Variants in POU2AF2 observed in about 807,000 individuals in gnomAD.
POU2AF2 encodes POU domain class 2-associating factor 2.
At chr11:111,276,433 T>TGAAAAG in the POU2AF2 span, among the ~76,000 whole-genome samples, 1 of 30,566 alleles carries the variant, frequency 3.3e-5, no homozygotes, top group Non-Finnish European at 5.6e-5. Context: ...CCATCTCTAC[T>TGAAAAG]AAAAAGAAAA....
the POU2AF2 span, chr11:111,285,568 C>A: frequency 1.4e-6 from 2 of 1,461,624 alleles, no homozygotes; most frequent in Non-Finnish European, 9.1e-7. Context: ...CGAAGGCTGC[C>A]CTGAAGCCAC....
the POU2AF2 span, among the ~76,000 whole-genome samples, chr11:111,277,346 T>C: frequency 1.3e-5 from 2 of 152,284 alleles, no homozygotes; most frequent in Non-Finnish European, 2.9e-5. Flanking sequence ...GGTATAAAAA[T>C]TGGGCTGGGG....
the POU2AF2 span, among the ~76,000 whole-genome samples, chr11:111,278,157 G>A: frequency 1.3e-5 from 2 of 152,108 alleles, no homozygotes; most frequent in African/African-American, 2.4e-5. Context: ...AATAGCTAAG[G>A]CACATATGCT....
chr11:111,255,312 G>A, the POU2AF2 span, among the ~76,000 whole-genome samples: 2 of 152,192 alleles, frequency 1.3e-5, no homozygotes, highest in African/African-American at 4.8e-5. Flanking sequence ...AGCAATACAT[G>A]TAAATTGCCA....
the POU2AF2 span, chr11:111,285,818 G>A: frequency 1.2e-6 from 2 of 1,608,236 alleles, no homozygotes; most frequent in African/African-American, 1.3e-5. Flanking sequence ...CCTGGCTGGG[G>A]CTCAGTCATA....
At chr11:111,273,385 A>T in the POU2AF2 span, among the ~76,000 whole-genome samples, 1 of 152,334 alleles carries the variant, frequency 6.6e-6, no homozygotes, top group East Asian at 1.9e-4. Context: ...GTGGTGTCAG[A>T]TGTTCAATAT....
chr11:111,253,906 A>G, the POU2AF2 span, among the ~76,000 whole-genome samples: 1 of 152,108 alleles, frequency 6.6e-6, no homozygotes, highest in African/African-American at 2.4e-5. Flanking sequence ...CCTTGCTTTA[A>G]GCCCCAACTC....
chr11:111,271,846 C>A, the POU2AF2 span, among the ~76,000 whole-genome samples: 7 of 151,904 alleles, frequency 4.6e-5, no homozygotes, highest in East Asian at 1.4e-3. Context: ...AACCCCGTCT[C>A]TACTAAATAC....
At chr11:111,273,180 A>ACT in the POU2AF2 span, among the ~76,000 whole-genome samples, 1 of 152,226 alleles carries the variant, frequency 6.6e-6, no homozygotes, top group African/African-American at 2.4e-5. Context: ...CCTTGGTTCT[A>ACT]CTATATACTT....
the POU2AF2 span, among the ~76,000 whole-genome samples, chr11:111,264,577 G>GAAAGAGA: frequency 2.0e-3 from 46 of 22,952 alleles, 4 homozygotes; most frequent in Middle Eastern, 0.033. Context: ...AGAAAGAAAG[G>GAAAGAGA]GAGAGAGAAA....
the POU2AF2 span, among the ~76,000 whole-genome samples, chr11:111,279,990 G>A: frequency 2.8e-5 from 4 of 144,518 alleles, no homozygotes; most frequent in Non-Finnish European, 6.0e-5. Context: ...GCAGTGAGCC[G>A]AGATCGTGCC....
the POU2AF2 span, among the ~76,000 whole-genome samples, chr11:111,268,821 TACAG>T: frequency 6.6e-6 from 1 of 152,026 alleles, no homozygotes; most frequent in South Asian, 2.1e-4. Flanking sequence ...GTGCCGGGAT[TACAG>T]ACATGAGCCA....
At chr11:111,261,893 A>C in the POU2AF2 span, among the ~76,000 whole-genome samples, 1 of 152,338 alleles carries the variant, frequency 6.6e-6, no homozygotes, top group East Asian at 1.9e-4. Flanking sequence ...TAAAATGTTA[A>C]AGAGAAATAT....
chr11:111,255,711 C>A, the POU2AF2 span, among the ~76,000 whole-genome samples: 1 of 152,182 alleles, frequency 6.6e-6, no homozygotes, highest in African/African-American at 2.4e-5. Context: ...TAAATCTTGA[C>A]AAGTCAGAGT....
the POU2AF2 span, among the ~76,000 whole-genome samples, chr11:111,276,453 A>AAAAAAAAAAAAAATATATAT: frequency 8.0e-5 from 3 of 37,666 alleles, no homozygotes; most frequent in African/African-American, 2.9e-4. Flanking sequence ...AAAAAAAAAA[A>AAAAAAAAAAAAAATATATAT]ATATATATAT....
chr11:111,249,404 G>T, the POU2AF2 span, among the ~76,000 whole-genome samples: 1 of 152,186 alleles, frequency 6.6e-6, no homozygotes, highest in Non-Finnish European at 1.5e-5. Context: ...TAAAGAATTT[G>T]TACCAGTTTC....
the POU2AF2 span, among the ~76,000 whole-genome samples, chr11:111,265,337 A>G: frequency 3.3e-5 from 5 of 152,236 alleles, no homozygotes; most frequent in Admixed American, 2.0e-4. Flanking sequence ...TTGTTTTCTT[A>G]AATCTGTCCC....
chr11:111,262,728 C>T, the POU2AF2 span, among the ~76,000 whole-genome samples: 3 of 152,130 alleles, frequency 2.0e-5, no homozygotes, highest in African/African-American at 7.2e-5. Flanking sequence ...GTGTCCCTGT[C>T]CATAAAAGCA....
At chr11:111,247,036 T>G in the POU2AF2 span, among the ~76,000 whole-genome samples, 21 of 152,274 alleles carry the variant, frequency 1.4e-4, no homozygotes, top group Admixed American at 9.8e-4. Context: ...TTTCCCTAGA[T>G]TCCACATTCA....
Sources: allele counts gnomAD v4.1 joint callset (sites outside exome capture counted in the v4.1 genomes callset), GRCh38; gene constraint gnomAD v4.1.1; transcripts MANE v1.5; gene names NCBI Gene and HGNC (gene_info 2026-07-23, HGNC 2026-07-21).